The following DNHD1 variants were observed in gnomAD, a reference collection of about 807,000 sequenced individuals.
The protein encoded by DNHD1 is dynein heavy chain domain-containing protein 1.
In DNHD1, 383 loss-of-function variants were observed where a neutral mutation model predicts 458.1. The observed-to-expected ratio is 0.84, with a 90% CI of 0.77 to 0.91. The LOEUF is 0.91. DNHD1 is among the 40% of genes least tolerant of loss of function. The probability of loss-of-function intolerance (pLI) is 0.00; values close to 1 mark genes in which losing one functional copy is unlikely to be tolerated. For synonymous variants in DNHD1, 2,203 were observed against 2,376.9 expected (o/e 0.93, Z 2.13); for missense variants, 5,336 against 5,866.1 (o/e 0.91, Z 2.95).
intron 10 of DNHD1, among the ~76,000 whole-genome samples, chr11:6,527,885 T>C (rs1852741165): frequency 6.6e-6 from 1 of 152,250 alleles, no homozygotes; most frequent in Non-Finnish European, 1.5e-5. Flanking sequence ...GTGGCTAGGT[T>C]CAAGAATATT....
In DNHD1 at chr11:6,511,302, G is replaced by A. The variant is rs750425258; in HGVS notation, c.1265G>A (p.Trp422Ter). ...CTGCAGGAGCTACACTCTGTGTCCT[G>A]GCTACCCCAGGAACTGGATCGGTGC... The part of the protein sequence containing the change: ...RLLQELHSVS[W>*]LPQELDRCYE... Residue 422 changes from tryptophan to a stop codon, truncating the protein, a stop_gained, in exon 7 of 43, where the codon TGG becomes TAG. Transcript: ENST00000254579. LOFTEE classifies it high-confidence loss of function. 1 of 1,614,202 alleles carries A rather than the reference G, an allele frequency of 6.2e-7. No individual in the cohort carries two copies. The highest frequency in any genetic ancestry group is 8.5e-7 in the Non-Finnish European group (1 of 1,180,032).
At chr11:6,563,192 A>G (rs1419570985) in intron 29 of DNHD1, 61 bp downstream of exon 29, 2 of 1,545,150 alleles carry the variant, frequency 1.3e-6, no homozygotes, top group Admixed American at 2.0e-5. Flanking sequence ...CAACCCCTCT[A>G]AGGATACCAA....
At chr11:6,511,148 G>T in intron 6 of DNHD1, 125 bp from the exon 7 acceptor site, 1 of 1,315,480 alleles carries the variant, frequency 7.6e-7, no homozygotes. Context: ...ATTGGTCACT[G>T]TTGGTAATAT....
chr11:6,566,771 TG>T lies in DNHD1; in HGVS notation c.11385+11del, dbSNP rs1853710863. ...AGGCTGTGGAGGCTGCTGAGGTGCT[TG>T]GGGGCTCAGTCTGTGGGTTGAGATG... On this transcript the variant is annotated splice_region_variant and intron_variant, in intron 35 of 42. Coordinates refer to ENST00000254579, the MANE Select transcript of DNHD1 (RefSeq NM_144666.3). 1 of 1,608,216 alleles carries T rather than the reference TG, an allele frequency of 6.2e-7. No individual in the cohort carries two copies. Among genetic ancestry groups the T allele is most frequent in the African/African-American group, 1.3e-5 (1 of 74,788 alleles).
Position 6,498,291 on chromosome 11 carries a change from A to AT in DNHD1, c.77dup (p.Cys27MetfsTer25). On this transcript the variant is annotated frameshift_variant, in exon 3 of 43. Transcript: ENST00000254579. LOFTEE classifies it high-confidence loss of function. ...TGATTCCCTTAAGTCTTGGCACTCC[A>AT]TATGTGTCTTGGACAGCAAAGAACA... is the stretch of plus-strand genomic sequence containing the variant. The AT allele has an allele frequency of 6.2e-7, 1 of 1,614,186 alleles. No individual in the cohort carries two copies. Among genetic ancestry groups the AT allele is most frequent in the Non-Finnish European group, 8.5e-7 (1 of 1,180,016 alleles).
chr11:6,538,706 A>C lies in DNHD1; in HGVS notation c.3221A>C (p.Gln1074Pro). Residue 1074 changes from glutamine (Q) to proline (P), a missense_variant, in exon 16 of 43, where the codon CAG becomes CCG. Coordinates refer to ENST00000254579, the MANE Select transcript of DNHD1 (RefSeq NM_144666.3). ...TTLELHSPVL[Q>P]HCMRILGEFR... ...CTGGAGCTGCACAGCCCCGTGCTGC[A>C]GCACTGCATGCGCATCCTGGGGGAG... is the stretch of plus-strand genomic sequence containing the variant. 1 of 1,550,162 alleles carries C rather than the reference A, an allele frequency of 6.5e-7. No homozygotes were observed.
chr11:6,547,512 AT>A lies in DNHD1; in HGVS notation c.6575del (p.Phe2192SerfsTer43). On this transcript the variant is annotated frameshift_variant, in exon 21 of 43. Coordinates refer to ENST00000254579, the MANE Select transcript of DNHD1 (RefSeq NM_144666.3). LOFTEE classifies it high-confidence loss of function. ...AGGTTCTGGTGCCTGCAACATTGCG[AT>A]TCCTCACCTGCCAAGGTGTCAGCTC... ...AEVLVPATLR[F>X]LTCQGVSSLL... is the part of the protein sequence containing the mutation. 6.4e-7 allele frequency: 1 copy of A among 1,550,986 alleles called. No individual in the cohort carries two copies. The highest frequency in any genetic ancestry group is 8.7e-7 in the Non-Finnish European group (1 of 1,146,374).
At position 6,557,466 on chromosome 11, in the gene DNHD1, A is replaced by G; in HGVS notation, c.8171A>G (p.Asn2724Ser). 2 of 1,551,758 alleles carry G rather than the reference A, an allele frequency of 1.3e-6. No individual in the cohort carries two copies. Among genetic ancestry groups the G allele is most frequent in the Non-Finnish European group, 1.7e-6 (2 of 1,147,032 alleles). The change falls in exon 25 of 43, where the codon AAT becomes AGT. Residue 2724 changes from asparagine to serine, a missense_variant. This residue lies in a region of DNHD1 where 3,932 missense variants were observed against 4,365.6 expected (regional missense o/e 0.90). Coordinates refer to ENST00000254579, the MANE Select transcript of DNHD1 (RefSeq NM_144666.3). The stretch of plus-strand genomic sequence containing the variant: ...CAGTGGGAGGACTTCAGCAACAGCA[A>G]TAGTGAAACAGAGGAGGAAGAGGAA... The part of the protein sequence containing the change: ...LAQWEDFSNS[N>S]SETEEEEEPY...
rs200466112 is a variant in DNHD1, at chr11:6,546,732, G to A, written c.5793G>A (p.Leu1931=). The stretch of plus-strand genomic sequence containing the variant: ...TCCACCTGCACAACCTCCGAGGGCT[G>A]TTGTGTGCGCTTTTCCCTAGCGCCA... ...NGLHLHNLRG[L]LCALFPSASQ... The change falls in exon 21 of 43, where the codon CTG becomes CTA. Residue 1931 remains leucine, a synonymous_variant. Transcript: ENST00000254579. 8,819 of 1,551,760 alleles carry A rather than the reference G, an allele frequency of 5.7e-3. 39 individuals carry two copies. The highest frequency in any genetic ancestry group is 7.1e-3 in the Non-Finnish European group (8,121 of 1,147,004).
At position 6,564,417 on chromosome 11, in the gene DNHD1, T is replaced by A. The variant is rs545440204; in HGVS notation, c.10369T>A (p.Leu3457Met). The A allele has an allele frequency of 1.3e-6, 2 of 1,551,578 alleles. No individual in the cohort carries two copies. The highest frequency in any genetic ancestry group is 1.7e-6 in the Non-Finnish European group (2 of 1,146,984). The change falls in exon 32 of 43, where the codon TTG becomes ATG. Residue 3457 changes from leucine to methionine, a missense_variant. Physicochemically the swap from Leu to Met is conservative, Grantham distance 15 (BLOSUM62 2). Transcript: ENST00000254579. The stretch of plus-strand genomic sequence containing the variant: ...CATCTACCTGGGTCCCTTCCCACCA[T>A]TGCGGCGCCAAGAGCTACTGGACGA... ...AIIYLGPFPPLRRQELLDEWL... is the reference protein window; with the variant it reads ...AIIYLGPFPPMRRQELLDEWL...
rs930024501 is a variant in DNHD1 at position 6,545,262 on chromosome 11, T to C, written c.4323T>C (p.His1441=). 1.9e-6 allele frequency: 3 copies of C among 1,551,738 alleles called. No individual in the cohort carries two copies. In the Admixed American group the frequency reaches 5.9e-5, roughly 30 times the overall value. Reference sequence around the variant, plus strand: ...AGCTGCAGGGTCCCCTTCCTCTGCATCCAGATCTCCCTAAGTGGCTGGCCT... The same window carrying C: ...AGCTGCAGGGTCCCCTTCCTCTGCACCCAGATCTCCCTAAGTGGCTGGCCT... ...EVKLQGPLPL[H]PDLPKWLASL... is the part of the protein sequence containing the mutation. Residue 1441 remains histidine (H), a synonymous_variant, in exon 21 of 43, where the codon CAT becomes CAC. Coordinates refer to ENST00000254579, the MANE Select transcript of DNHD1 (RefSeq NM_144666.3). This position sits in a 1 kb window ranked among gnomAD's most constrained non-coding sequence, Gnocchi z 4.9.
chr11:6,555,199 C>CCTCTCTCTCTGT (rs1853435881), intron 24 of DNHD1, among the ~76,000 whole-genome samples: 1 of 139,076 alleles, frequency 7.2e-6, no homozygotes, highest in African/African-American at 2.7e-5. Context: ...TCCCTCATTC[C>CCTCTCTCTCTGT]CTCTCTCTCT....
rs1289803946 is a variant in DNHD1, at chr11:6,558,981, C to T, written c.9291C>T (p.Thr3097=). The change falls in exon 27 of 43, where the codon ACC becomes ACT. Residue 3097 remains threonine (T), a synonymous_variant. Transcript: ENST00000254579. ...KAMALIHLSA[T]HYHEHLCPAL... ...TGGCTCTTATCCACCTTTCGGCCAC[C>T]CACTACCATGAGCACCTGTGCCCTG... 2 of 1,551,678 alleles carry T rather than the reference C, an allele frequency of 1.3e-6. No homozygotes were observed. The highest frequency in any genetic ancestry group is 1.2e-5 in the South Asian group (1 of 84,050).
chr11:6,528,479 T>C, intron 10 of DNHD1, 43 bp from the exon 11 acceptor site: 1 of 1,520,216 alleles, frequency 6.6e-7, no homozygotes. Context: ...GTTTGTGGGC[T>C]CTGGAGGGTA....
rs79416516 is a variant in DNHD1, at chr11:6,525,972, C to G, written c.1838-2550C>G. On this transcript the variant is annotated intron_variant, in intron 10 of 42. Transcript: ENST00000254579. ...GTTCTTTCAAAATGTGGCTTTATAT[C>G]TTTTTTTAAATTTCAGAACAATTTT... 6.0e-3 allele frequency among the ~76,000 whole-genome samples: 910 copies of G among 151,606 alleles called. 14 individuals are homozygous for G. Among genetic ancestry groups the G allele is most frequent in the African/African-American group, 0.021 (859 of 41,346 alleles).
At chr11:6,515,014 A>G (rs182977649) in intron 7 of DNHD1, among the ~76,000 whole-genome samples, 1 of 152,316 alleles carries the variant, frequency 6.6e-6, no homozygotes, top group East Asian at 1.9e-4. Flanking sequence ...ATCCATTCCC[A>G]TGATAACTAA....
intron 10 of DNHD1, chr11:6,520,701 A>C: frequency 2.9e-6 from 3 of 1,023,302 alleles, no homozygotes; most frequent in Non-Finnish European, 3.5e-6. Context: ...GCTCTTTTTC[A>C]TTTCATATGG....
Position 6,558,260 on chromosome 11 carries a change from G to T in DNHD1, c.8965G>T (p.Val2989Phe), listed in dbSNP as rs1342425138. ...ACACCTCCCCAGGGAGAACCTTGGT[G>T]TCAAACAGAACATCAAGAAGGAAAT... ...GEHLPRENLG[V>F]KQNIKKEMVL... The change falls in exon 25 of 43, where the codon GTC (valine) becomes TTC (phenylalanine). Residue 2989 changes from valine (V) to phenylalanine (F), a missense_variant. Physicochemically the swap from Val to Phe is conservative, Grantham distance 50 (BLOSUM62 -1). Coordinates refer to ENST00000254579, the MANE Select transcript of DNHD1 (RefSeq NM_144666.3). 10 of 1,551,508 alleles carry T rather than the reference G, an allele frequency of 6.4e-6. No individual in the cohort carries two copies. Among genetic ancestry groups the T allele is most frequent in the Non-Finnish European group, 1.7e-6 (2 of 1,146,976 alleles).
chr11:6,557,509 C>T lies in DNHD1; in HGVS notation c.8214C>T (p.Val2738=), dbSNP rs1353751921. ...AAGAGGAACCTTATGGCCTTCAGGT[C>T]GCCAGAGTCTCAAACTCCAGAGATC... ...EEEEEPYGLQ[V]ARVSNSRDPS... The change falls in exon 25 of 43, where the codon GTC becomes GTT. Residue 2738 remains valine (V), a synonymous_variant. Coordinates refer to ENST00000254579, the MANE Select transcript of DNHD1 (RefSeq NM_144666.3). 5 of 1,551,570 alleles carry T rather than the reference C, an allele frequency of 3.2e-6. No homozygotes were observed. Among genetic ancestry groups the T allele is most frequent in the Admixed American group, 2.0e-5 (1 of 50,976 alleles).
Sources: gnomAD v4.1 joint callset for allele counts (sites outside exome capture counted in the v4.1 genomes callset) on GRCh38, gnomAD v4.1.1 for gene constraint, gnomAD v4.1.1 regional missense constraint, Gnocchi (gnomAD v3.1) non-coding constraint, MANE v1.5 for transcripts, NCBI Gene and HGNC (gene_info 2026-07-23, HGNC 2026-07-21) for gene names.